KDM2A: variants seen among roughly 807,000 people sequenced by gnomAD.
KDM2A encodes the protein lysine demethylase 2A, also known as lysine-specific demethylase 2A.
KDM2A carries 3 observed loss-of-function variants against 137.3 expected under a neutral mutation model. The observed-to-expected ratio is 0.02, with a 90% CI of 0.01 to 0.06. The LOEUF is 0.06. KDM2A is among the 10% of genes least tolerant of loss of function. The pLI is 1.00. For synonymous variants in KDM2A, 512 were observed against 541.5 expected, an observed-to-expected ratio of 0.95 and a Z score of 0.76; for missense variants, 738 against 1,510.6, an observed-to-expected ratio of 0.49 and a Z score of 8.48.
chr11:67,207,288 G>C (rs1383250221), intron 5 of KDM2A, among the ~76,000 whole-genome samples: 2 of 152,180 alleles, frequency 1.3e-5, no homozygotes, highest in Non-Finnish European at 2.9e-5. Flanking sequence ...ACAACTGACT[G>C]TATAGTAAAC....
intron 4 of KDM2A, 113 bp downstream of exon 4, chr11:67,181,511 C>G (rs781382260): frequency 2.9e-6 from 2 of 686,190 alleles, no homozygotes; most frequent in Admixed American, 5.8e-5. Context: ...AAATAATTTC[C>G]CACTTTGTTT....
chr11:67,234,497 T>A (rs1014475598), intron 12 of KDM2A, among the ~76,000 whole-genome samples: 3 of 152,214 alleles, frequency 2.0e-5, no homozygotes, highest in African/African-American at 7.2e-5. Context: ...GGGCTTTTTT[T>A]AGGTTCTAAG....
chr11:67,205,183 A>G (rs986442701), intron 5 of KDM2A, among the ~76,000 whole-genome samples: 8 of 152,250 alleles, frequency 5.3e-5, no homozygotes, highest in Admixed American at 3.9e-4. Context: ...TCCATTTTTT[A>G]AATTATAGCG....
intron 2 of KDM2A, among the ~76,000 whole-genome samples, chr11:67,154,440 T>C (rs12421213): frequency 0.1 from 15,548 of 152,234 alleles, 1,158 homozygotes; most frequent in Middle Eastern, 0.27. Context: ...TCTTTCTTTC[T>C]TTCTTTTTTA....
intron 6 of KDM2A, among the ~76,000 whole-genome samples, chr11:67,208,788 T>A (rs368643179): frequency 6.8e-6 from 1 of 146,922 alleles, no homozygotes; most frequent in Non-Finnish European, 1.5e-5. Flanking sequence ...AAAAAAAAAA[T>A]TCACTCTTGA....
intron 5 of KDM2A, among the ~76,000 whole-genome samples, chr11:67,197,894 A>G (rs982059289): frequency 2.0e-5 from 3 of 152,212 alleles, no homozygotes; most frequent in African/African-American, 7.2e-5. Flanking sequence ...TTAACTACCA[A>G]TAACCTACTG....
At chr11:67,247,720 C>T (rs544761074) in intron 15 of KDM2A, among the ~76,000 whole-genome samples, 7 of 152,238 alleles carry the variant, frequency 4.6e-5, no homozygotes, top group Non-Finnish European at 7.4e-5. Context: ...CCACCATGCC[C>T]GGCCAACTTT....
chr11:67,158,792 G>C (rs924261325), intron 2 of KDM2A, among the ~76,000 whole-genome samples: 1 of 152,080 alleles, frequency 6.6e-6, no homozygotes, highest in African/African-American at 2.4e-5. Flanking sequence ...CCCAGCCTGA[G>C]CATCTTTTCA....
chr11:67,137,987 G>A (rs1199530363), intron 2 of KDM2A, among the ~76,000 whole-genome samples: 2 of 152,138 alleles, frequency 1.3e-5, no homozygotes, highest in East Asian at 3.9e-4. Flanking sequence ...TAGTAGAGAC[G>A]GGGTTTCACC....
chr11:67,157,317 C>CAAAA (rs1228008293), intron 2 of KDM2A, among the ~76,000 whole-genome samples: 11 of 42,318 alleles, frequency 2.6e-4, no homozygotes, highest in African/African-American at 7.0e-4. Context: ...ACTCCCGTCT[C>CAAAA]AAAAAAAAAA....
intron 2 of KDM2A, among the ~76,000 whole-genome samples, chr11:67,165,937 A>G (rs1042006190): frequency 6.6e-6 from 1 of 151,978 alleles, no homozygotes; most frequent in Non-Finnish European, 1.5e-5. Context: ...ATTAATCCTT[A>G]TATTCTAGGA....
At chr11:67,136,484 G>A (rs1232313198) in intron 2 of KDM2A, among the ~76,000 whole-genome samples, 1 of 152,174 alleles carries the variant, frequency 6.6e-6, no homozygotes, top group South Asian at 2.1e-4. Flanking sequence ...GAGTGCTTAT[G>A]TTGTACTAAG....
rs544615414 is a variant in KDM2A, at chr11:67,217,240, C to CAAA, written c.688-470_688-468dup. 2.3e-3 allele frequency among the ~76,000 whole-genome samples: 116 copies of CAAA among 50,484 alleles called. 2 individuals carry two copies. Among genetic ancestry groups the CAAA allele is most frequent in the African/African-American group, 7.6e-3 (104 of 13,622 alleles). The allele number at this position is 50,484 out of a possible 152,430, so 33.1% of individuals were successfully genotyped here. A position where few individuals can be genotyped will look rare whatever the true frequency, so the allele number is the denominator to read the frequency against. ...CTGGACTACAAGAGTGAAACTCTGT[C>CAAA]AAAAAAAAAAAAAAAAAAAAAAAGT... is the stretch of plus-strand genomic sequence containing the variant. On this transcript the variant is annotated intron_variant, in intron 8 of 20. Transcript: ENST00000529006.
At chr11:67,228,904 C>G (rs969740553) in intron 11 of KDM2A, among the ~76,000 whole-genome samples, 2 of 151,976 alleles carry the variant, frequency 1.3e-5, no homozygotes, top group Non-Finnish European at 2.9e-5. Flanking sequence ...TTCTTACTTT[C>G]TGTAGAGATG....
chr11:67,236,195 A>C (rs118160633), intron 12 of KDM2A, among the ~76,000 whole-genome samples: 2,141 of 152,220 alleles, frequency 0.014, 26 homozygotes, highest in Middle Eastern at 0.082. Context: ...CAGTGGCGTG[A>C]TCTAGGCTCA....
chr11:67,122,302 CTT>C (rs1855614391), intron 2 of KDM2A, among the ~76,000 whole-genome samples: 2 of 152,110 alleles, frequency 1.3e-5, no homozygotes, highest in Non-Finnish European at 2.9e-5. Flanking sequence ...GATCCTTACT[CTT>C]TTTGAGAAGA....
chr11:67,224,634 A>G (rs1858477186), intron 10 of KDM2A, among the ~76,000 whole-genome samples: 2 of 149,884 alleles, frequency 1.3e-5, no homozygotes, highest in Admixed American at 1.3e-4. Context: ...AGCCCGGCCA[A>G]TTTTTATATT....
intron 2 of KDM2A, among the ~76,000 whole-genome samples, chr11:67,126,540 T>G (rs990580152): frequency 1.1e-4 from 16 of 151,708 alleles, no homozygotes; most frequent in African/African-American, 3.9e-4. Flanking sequence ...GAACCCTGTC[T>G]CTACTAAAAA....
At chr11:67,157,056 G>T (rs1403633614) in intron 2 of KDM2A, among the ~76,000 whole-genome samples, 3 of 152,154 alleles carry the variant, frequency 2.0e-5, no homozygotes, top group African/African-American at 7.2e-5. Context: ...GCTCACGCCT[G>T]TAATCCCAGC....
Sources: allele counts gnomAD v4.1 joint callset (sites outside exome capture counted in the v4.1 genomes callset), GRCh38; gene constraint gnomAD v4.1.1; transcripts MANE v1.5; gene names NCBI Gene and HGNC (gene_info 2026-07-23, HGNC 2026-07-21).